The following ATXN10 variants were observed in gnomAD, a reference collection of about 807,000 sequenced individuals.
ATXN10 encodes the protein ataxin 10.
Under a neutral mutation model 52.9 loss-of-function variants are expected in ATXN10, and 28 were observed. The observed-to-expected ratio is 0.53, with a 90% CI of 0.39 to 0.73. The LOEUF (loss-of-function observed/expected upper bound fraction) is 0.73, where lower values mean the gene tolerates loss of function less well. Ranked by LOEUF, ATXN10 falls within the 30% of genes least tolerant of loss-of-function variation. The probability of loss-of-function intolerance (pLI) is 0.00; values close to 1 mark genes in which losing one functional copy is unlikely to be tolerated. For missense variants in ATXN10, 565 were observed against 577.0 expected (o/e 0.98, Z 0.21); for synonymous variants, 226 against 221.5 (o/e 1.02, Z -0.18).
intron 9 of ATXN10, among the ~76,000 whole-genome samples, chr22:45,785,313 A>T (rs1927285430): frequency 6.6e-6 from 1 of 152,196 alleles, no homozygotes. Flanking sequence ...GGGATCTTTC[A>T]TCTAGCTCTT....
In ATXN10 at chr22:45,842,894, C is replaced by A. The variant is rs1929391899; in HGVS notation, c.1238-97C>A. Reference sequence around the variant, plus strand: ...AACTTGTGGATTGATACTGGATGTTCCGTGTTTCTGTGCTCCTCTACTCCT... The same window carrying A: ...AACTTGTGGATTGATACTGGATGTTACGTGTTTCTGTGCTCCTCTACTCCT... On this transcript the variant is annotated intron_variant, in intron 10 of 11. Transcript: ENST00000252934. The surrounding 1 kb of genome is among the most constrained non-coding windows in gnomAD (Gnocchi z 4.8). 2 of 1,315,684 alleles carry A rather than the reference C, an allele frequency of 1.5e-6. No homozygotes were observed. Among genetic ancestry groups the A allele is most frequent in the Non-Finnish European group, 2.2e-6 (2 of 914,242 alleles). The allele number at this position is 1,315,684 out of a possible 1,614,324, so 81.5% of individuals were successfully genotyped here. A position where few individuals can be genotyped will look rare whatever the true frequency, so the allele number is the denominator to read the frequency against.
At chr22:45,739,525 G>C (rs1206824274) in intron 8 of ATXN10, among the ~76,000 whole-genome samples, 1 of 152,210 alleles carries the variant, frequency 6.6e-6, no homozygotes, top group African/African-American at 2.4e-5. Flanking sequence ...AAGATCCTTA[G>C]AATTCCTCAT....
At chr22:45,808,548 C>T (rs1350411026) in intron 10 of ATXN10, among the ~76,000 whole-genome samples, 1 of 152,250 alleles carries the variant, frequency 6.6e-6, no homozygotes, top group African/African-American at 2.4e-5. Context: ...AGGAAACATT[C>T]ATTCAGTCCC....
chr22:45,732,729 A>C lies in ATXN10; in HGVS notation c.894+3139A>C, dbSNP rs1925137283. Among the ~76,000 whole-genome samples, 2 of 152,154 alleles carry C rather than the reference A, an allele frequency of 1.3e-5. No individual in the cohort carries two copies. Among genetic ancestry groups the C allele is most frequent in the Non-Finnish European group, 2.9e-5 (2 of 68,024 alleles). ...GATTGTTAAATTGTTGGTACCTTGAAATCATCCATGGTGGAAGTAGTTGTG... is the reference window on the plus strand; with the variant it reads ...GATTGTTAAATTGTTGGTACCTTGACATCATCCATGGTGGAAGTAGTTGTG... On this transcript the variant is annotated intron_variant, in intron 7 of 11. Transcript: ENST00000252934. This position sits in a 1 kb window ranked among gnomAD's most constrained non-coding sequence, Gnocchi z 4.5.
At position 45,833,918 on chromosome 22, in the gene ATXN10, C is replaced by A. The variant is rs75759291; in HGVS notation, c.1238-9073C>A. The stretch of plus-strand genomic sequence containing the variant: ...GCCTGACTGCCTACTTCCAAATCCA[C>A]CTTGAACACATCCAGTTGCGGGACC... On this transcript the variant is annotated intron_variant, in intron 10 of 11. Coordinates refer to ENST00000252934, the MANE Select transcript of ATXN10 (RefSeq NM_013236.4). This position sits in a 1 kb window ranked among gnomAD's most constrained non-coding sequence, Gnocchi z 4.3. Among the ~76,000 whole-genome samples the A allele has an allele frequency of 6.6e-6, 1 of 152,162 alleles. No homozygotes were observed. The highest frequency in any genetic ancestry group is 6.5e-5 in the Admixed American group (1 of 15,276).
At chr22:45,811,627 A>G (rs1186345983) in intron 10 of ATXN10, 2 of 441,824 alleles carry the variant, frequency 4.5e-6, no homozygotes, top group African/African-American at 2.0e-5. Context: ...GTAGGTTACT[A>G]GGTAATATAG....
chr22:45,803,482 AAACT>A (rs1235005589), intron 9 of ATXN10, among the ~76,000 whole-genome samples: 1 of 152,152 alleles, frequency 6.6e-6, no homozygotes, highest in Non-Finnish European at 1.5e-5. Context: ...CTAGCCAAAC[AAACT>A]ATGAGCGTGA....
At chr22:45,797,764 A>G (rs1358019892) in intron 9 of ATXN10, among the ~76,000 whole-genome samples, 1 of 152,222 alleles carries the variant, frequency 6.6e-6, no homozygotes, top group East Asian at 1.9e-4. Context: ...CAGAAGCTGG[A>G]TGCATATTTA....
chr22:45,711,552 A>G (rs1395559403), intron 5 of ATXN10, among the ~76,000 whole-genome samples: 2 of 152,190 alleles, frequency 1.3e-5, no homozygotes, highest in East Asian at 1.9e-4. Context: ...AGATCCGCAC[A>G]TCGTGTCACT....
intron 10 of ATXN10, among the ~76,000 whole-genome samples, chr22:45,827,588 TAAG>T (rs1260476955): frequency 6.6e-6 from 1 of 152,116 alleles, no homozygotes; most frequent in Non-Finnish European, 1.5e-5. Flanking sequence ...TTCAATACAG[TAAG>T]AAGATACAAC....
chr22:45,694,922 C>T (rs1923533127), intron 3 of ATXN10, among the ~76,000 whole-genome samples: 1 of 105,898 alleles, frequency 9.4e-6, no homozygotes, highest in Non-Finnish European at 1.7e-5. Flanking sequence ...GCCTGGGTGA[C>T]AGAGCAAGAC....
At chr22:45,812,541 A>AT (rs1928317333) in intron 10 of ATXN10, among the ~76,000 whole-genome samples, 1 of 152,150 alleles carries the variant, frequency 6.6e-6, no homozygotes, top group African/African-American at 2.4e-5. Context: ...ACTCGGGTAA[A>AT]TTAAGTATTC....
At chr22:45,720,554 C>G (rs542383662) in intron 6 of ATXN10, among the ~76,000 whole-genome samples, 1 of 152,132 alleles carries the variant, frequency 6.6e-6, no homozygotes, top group Admixed American at 6.5e-5. Flanking sequence ...AGGATGTTCA[C>G]ATTGCTGTGC....
chr22:45,679,352 A>G (rs1382191247), intron 1 of ATXN10: 2 of 152,256 alleles, frequency 1.3e-5, no homozygotes, highest in Non-Finnish European at 2.9e-5. Context: ...AGGAGGGGAC[A>G]GGAAACGTTA....
In ATXN10 at chr22:45,789,400, C is replaced by T. The variant is rs117989805; in HGVS notation, c.1174-17559C>T. Among the ~76,000 whole-genome samples the T allele has an allele frequency of 0.027, 4,163 of 152,200 alleles. 74 individuals are homozygous for T. The highest frequency in any genetic ancestry group is 0.085 in the Middle Eastern group (25 of 294). On this transcript the variant is annotated intron_variant, in intron 9 of 11. Transcript: ENST00000252934. This position sits in a 1 kb window ranked among gnomAD's most constrained non-coding sequence, Gnocchi z 4.0. ...TTCCGCAAATCATTGTTAAGTATCT[C>T]GGGACCGGGCAAGGGATGCAAGGAT...
intron 3 of ATXN10, among the ~76,000 whole-genome samples, chr22:45,700,042 C>A (rs919536269): frequency 6.6e-6 from 1 of 151,910 alleles, no homozygotes; most frequent in East Asian, 1.9e-4. Flanking sequence ...GAACTCCTGG[C>A]CTCAAGTGAT....
intron 10 of ATXN10, among the ~76,000 whole-genome samples, chr22:45,827,009 C>T (rs1017471952): frequency 2.6e-5 from 4 of 151,622 alleles, no homozygotes; most frequent in African/African-American, 4.8e-5. Flanking sequence ...TTATGTTAAC[C>T]GAAAGGAGTA....
intron 9 of ATXN10, among the ~76,000 whole-genome samples, chr22:45,776,460 C>T (rs1015128383): frequency 2.0e-5 from 3 of 151,786 alleles, no homozygotes; most frequent in African/African-American, 7.3e-5. Context: ...GTTCACACAC[C>T]CACAGCCATA....
At position 45,787,776 on chromosome 22, in the gene ATXN10, A is replaced by C. The variant is rs1343849286; in HGVS notation, c.1174-19183A>C. Reference sequence around the variant, plus strand: ...CCCGCAGTTTGGAAATACATTTCTGAAAGAAGTTACCCTGAAAAACAATCA... The same window carrying C: ...CCCGCAGTTTGGAAATACATTTCTGCAAGAAGTTACCCTGAAAAACAATCA... On this transcript the variant is annotated intron_variant, in intron 9 of 11. Transcript: ENST00000252934. This position sits in a 1 kb window ranked among gnomAD's most constrained non-coding sequence, Gnocchi z 4.2. Among the ~76,000 whole-genome samples, 1 of 152,228 alleles carries C rather than the reference A, an allele frequency of 6.6e-6. No homozygotes were observed. The highest frequency in any genetic ancestry group is 1.5e-5 in the Non-Finnish European group (1 of 68,034).
Sources: allele counts gnomAD v4.1 joint callset (sites outside exome capture counted in the v4.1 genomes callset), GRCh38; gene constraint gnomAD v4.1.1; non-coding constraint Gnocchi (gnomAD v3.1); transcripts MANE v1.5; gene names NCBI Gene and HGNC (gene_info 2026-07-23, HGNC 2026-07-21).